DOCK5: variants seen among roughly 807,000 people sequenced by gnomAD.
DOCK5 encodes dedicator of cytokinesis 5.
DOCK5 carries 142 observed loss-of-function variants against 251.8 expected under a neutral mutation model. The observed-to-expected ratio is 0.56, with a 90% confidence interval of 0.49 to 0.65. The LOEUF (loss-of-function observed/expected upper bound fraction) is 0.65. Ranked by LOEUF, DOCK5 falls within the 30% of genes least tolerant of loss-of-function variation. The pLI is 0.00. For missense variants in DOCK5, 2,111 were observed against 2,312.3 expected (o/e 0.91, Z 1.79); for synonymous variants, 842 against 835.5 (o/e 1.01, Z -0.13).
intron 18 of DOCK5, 106 bp downstream of exon 18, chr8:25,325,653 G>C: frequency 1.5e-6 from 2 of 1,353,744 alleles, no homozygotes; most frequent in South Asian, 1.5e-5. Context: ...GTCTTATTAG[G>C]TAGGATGTTG....
intron 1 of DOCK5, among the ~76,000 whole-genome samples, chr8:25,226,776 G>A (rs1399567185): frequency 4.0e-5 from 6 of 151,888 alleles, no homozygotes; most frequent in Admixed American, 6.6e-5. Flanking sequence ...TAGTAGAAAC[G>A]GGGTTTCACC....
intron 22 of DOCK5, among the ~76,000 whole-genome samples, chr8:25,337,989 A>T (rs1805857047): frequency 6.6e-6 from 1 of 152,140 alleles, no homozygotes; most frequent in Non-Finnish European, 1.5e-5. Flanking sequence ...AGAAGACTGG[A>T]TAGATCACAT....
At chr8:25,400,506 A>AAAAAAAAG (rs1478621644) in intron 46 of DOCK5, among the ~76,000 whole-genome samples, 1 of 151,126 alleles carries the variant, frequency 6.6e-6, no homozygotes, top group African/African-American at 2.4e-5. Flanking sequence ...TCAAAAAAAA[A>AAAAAAAAG]AAAAAGAAAA....
chr8:25,337,235 C>T (rs1347246467), intron 22 of DOCK5, among the ~76,000 whole-genome samples: 1 of 152,074 alleles, frequency 6.6e-6, no homozygotes, highest in African/African-American at 2.4e-5. Context: ...GATACAGACG[C>T]ACACACATGC....
At chr8:25,396,262 C>T (rs1801344200) in intron 45 of DOCK5, among the ~76,000 whole-genome samples, 1 of 152,248 alleles carries the variant, frequency 6.6e-6, no homozygotes, top group South Asian at 2.1e-4. Context: ...TGCCTGTAGT[C>T]CGAGCTACTC....
intron 2 of DOCK5, among the ~76,000 whole-genome samples, chr8:25,250,819 C>T (rs143487475): frequency 2.6e-5 from 4 of 152,260 alleles, no homozygotes; most frequent in East Asian, 1.9e-4. Context: ...TGGAGGACAG[C>T]GATGGAGAGG....
chr8:25,282,842 C>G (rs1466853309), intron 5 of DOCK5, among the ~76,000 whole-genome samples: 2 of 97,320 alleles, frequency 2.1e-5, no homozygotes, highest in Admixed American at 3.0e-4. Context: ...ACAGTAAGAC[C>G]CTTTCTCAAA....
At chr8:25,400,093 T>C (rs1801411983) in intron 46 of DOCK5, 99 bp downstream of exon 46, 3 of 954,326 alleles carry the variant, frequency 3.1e-6, no homozygotes, top group Non-Finnish European at 4.8e-6. Flanking sequence ...AGGGTGACTT[T>C]TCTTTCTTTT....
intron 5 of DOCK5, among the ~76,000 whole-genome samples, chr8:25,282,541 C>T (rs1342097256): frequency 1.3e-5 from 2 of 152,110 alleles, no homozygotes. Flanking sequence ...TAGATTACAA[C>T]ACCAGACGCT....
chr8:25,408,197 C>G, intron 49 of DOCK5, 43 bp downstream of exon 49: 3 of 1,530,738 alleles, frequency 2.0e-6, no homozygotes, highest in Non-Finnish European at 2.6e-6. Flanking sequence ...GGAGGCTTGC[C>G]CCCCTCTCCC....
chr8:25,378,031 A>G (rs1800995330), intron 38 of DOCK5, among the ~76,000 whole-genome samples: 1 of 151,982 alleles, frequency 6.6e-6, no homozygotes. Context: ...GACTACAGGC[A>G]TGAGCCACTG....
chr8:25,205,563 G>A (rs1044172255), intron 1 of DOCK5, among the ~76,000 whole-genome samples: 1 of 152,196 alleles, frequency 6.6e-6, no homozygotes, highest in African/African-American at 2.4e-5. Flanking sequence ...TTTAATCCTA[G>A]ATTTTTCCCT....
chr8:25,378,433 A>G (rs181753920), intron 38 of DOCK5, among the ~76,000 whole-genome samples: 33 of 152,282 alleles, frequency 2.2e-4, no homozygotes, highest in African/African-American at 7.9e-4. Flanking sequence ...TCAGAGGGGG[A>G]CAGATTTTGC....
At chr8:25,374,206 A>G (rs1800923363) in intron 36 of DOCK5, among the ~76,000 whole-genome samples, 1 of 152,184 alleles carries the variant, frequency 6.6e-6, no homozygotes, top group African/African-American at 2.4e-5. Flanking sequence ...TCTTGGCTCA[A>G]GAGGAAGGAA....
Position 25,408,801 on chromosome 8 carries a change from G to C in DOCK5, c.5266-1G>C. The C allele has an allele frequency of 6.2e-7, 1 of 1,613,892 alleles. No individual in the cohort carries two copies. Among genetic ancestry groups the C allele is most frequent in the Admixed American group, 1.7e-5 (1 of 60,002 alleles). ...GTTTTGCTTTTTCTCTCTGGTCCTA[G>C]AGCCCAACCAGAAAAGCACAAAGGC... On this transcript the variant is annotated splice_acceptor_variant, in intron 49 of 51. Coordinates refer to ENST00000276440, the MANE Select transcript of DOCK5 (RefSeq NM_024940.8). LOFTEE classifies it high-confidence loss of function.
intron 45 of DOCK5, among the ~76,000 whole-genome samples, chr8:25,397,828 A>C (rs1293740715): frequency 3.3e-5 from 5 of 152,026 alleles, no homozygotes; most frequent in Non-Finnish European, 5.9e-5. Flanking sequence ...AGCTAGGATA[A>C]ATACATACAT....
intron 1 of DOCK5, among the ~76,000 whole-genome samples, chr8:25,207,646 TG>T (rs1381237338): frequency 6.6e-5 from 10 of 152,242 alleles, no homozygotes; most frequent in African/African-American, 2.4e-4. Flanking sequence ...TTAAGCCTAC[TG>T]TTGAGACCTA....
chr8:25,280,989 T>A (rs1302381800), intron 5 of DOCK5, among the ~76,000 whole-genome samples: 6 of 151,470 alleles, frequency 4.0e-5, no homozygotes, highest in African/African-American at 1.5e-4. Context: ...TTTTTTTTTT[T>A]AAAGATGTAT....
rs753830361 is a variant in DOCK5 at position 25,325,383 on chromosome 8, A to C, written c.1739A>C (p.Glu580Ala). 2.5e-6 allele frequency: 4 copies of C among 1,613,652 alleles called. No individual in the cohort carries two copies. The highest frequency in any genetic ancestry group is 8.5e-7 in the Non-Finnish European group (1 of 1,179,758). Residue 580 changes from glutamate (E) to alanine (A), a missense_variant, in exon 18 of 52, where the codon GAA (glutamate) becomes GCA (alanine). Glu to Ala is a moderately radical substitution (Grantham distance 107). Around this residue, in one of 3 missense-constraint regions of DOCK5, gnomAD observed 1,717 missense variants for 1,892.4 expected, o/e 0.91. Transcript: ENST00000276440. ...VVYKGDNKKM[E>A]DAKFYLTLPG... is the part of the protein sequence containing the mutation. ...TTTTAGGGTGACAACAAAAAAATGG[A>C]AGATGCTAAATTCTACCTGACCCTG...
Sources: gnomAD v4.1 joint callset for allele counts (sites outside exome capture counted in the v4.1 genomes callset) on GRCh38, gnomAD v4.1.1 for gene constraint, gnomAD v4.1.1 regional missense constraint, MANE v1.5 for transcripts, NCBI Gene and HGNC (gene_info 2026-07-23, HGNC 2026-07-21) for gene names.